The following ITGA1 variants were observed in gnomAD, a reference collection of about 807,000 sequenced individuals.
ITGA1 encodes integrin alpha-1.
A neutral mutation model predicts 145.9 loss-of-function variants in ITGA1; 85 were observed. The ratio of observed to expected loss-of-function variants is 0.58; its 90% CI spans 0.49 to 0.70. The LOEUF is 0.70. Among genes scored for constraint, ITGA1 ranks in the 30% least tolerant of loss-of-function variants. ITGA1 has a pLI of 0.00. For synonymous variants in ITGA1, 520 were observed against 495.3 expected (o/e 1.05, Z -0.66); for missense variants, 1,351 against 1,418.7 (o/e 0.95, Z 0.77).
At chr5:52,834,001 A>G (rs1330422139) in intron 1 of ITGA1, among the ~76,000 whole-genome samples, 2 of 152,224 alleles carry the variant, frequency 1.3e-5, no homozygotes, top group African/African-American at 4.8e-5. Context: ...TATTAAACAC[A>G]TCATCTACCA....
intron 1 of ITGA1, among the ~76,000 whole-genome samples, chr5:52,808,676 C>CTTTCTTT (rs1554041033): frequency 0.091 from 6,365 of 69,950 alleles, 244 homozygotes; most frequent in African/African-American, 0.1. Context: ...TTCTTTCTTT[C>CTTTCTTT]TTTTTTTTTT....
intron 8 of ITGA1, among the ~76,000 whole-genome samples, chr5:52,892,065 A>G (rs1221207825): frequency 6.6e-6 from 1 of 151,900 alleles, no homozygotes; most frequent in Non-Finnish European, 1.5e-5. Flanking sequence ...ACAGACGGGA[A>G]GAAAACATCT....
In ITGA1 at chr5:52,915,565, T is replaced by C. The variant is rs1221548700; in HGVS notation, c.1959T>C (p.Ile653=). The C allele has an allele frequency of 2.0e-5, 33 of 1,613,942 alleles. No homozygotes were observed. Among genetic ancestry groups the C allele is most frequent in the Non-Finnish European group, 2.7e-5 (32 of 1,179,990 alleles). The change falls in exon 15 of 29, where the codon ATT becomes ATC. Residue 653 remains isoleucine (I), a synonymous_variant. Coordinates refer to ENST00000282588, the MANE Select transcript of ITGA1 (RefSeq NM_181501.2). ...GTGACGGTCTGACAGATGTGACTAT[T>C]GGGGGCCTTGGTGGTGCTGCCCTCT... The part of the protein sequence containing the change: ...LNGDGLTDVT[I]GGLGGAALFW...
chr5:52,887,712 G>T (rs1750076380), intron 7 of ITGA1, 103 bp from the exon 8 acceptor site: 1 of 1,091,438 alleles, frequency 9.2e-7, no homozygotes. Flanking sequence ...TTGGAGGGAA[G>T]CACCAGGCTA....
At chr5:52,879,520 A>G (rs1006887105) in intron 6 of ITGA1, among the ~76,000 whole-genome samples, 4 of 152,202 alleles carry the variant, frequency 2.6e-5, no homozygotes, top group African/African-American at 9.7e-5. Flanking sequence ...CTTAATAATT[A>G]TTCAGTGTTT....
chr5:52,843,784 G>A (rs576108112), intron 1 of ITGA1, among the ~76,000 whole-genome samples: 42 of 152,206 alleles, frequency 2.8e-4, no homozygotes, highest in African/African-American at 9.6e-4. Context: ...GGCCTCATAA[G>A]ATCAATGTTG....
At chr5:52,941,812 T>A (rs920615378) in intron 26 of ITGA1, among the ~76,000 whole-genome samples, 1 of 152,254 alleles carries the variant, frequency 6.6e-6, no homozygotes, top group Non-Finnish European at 1.5e-5. Context: ...TTGTTTTTGT[T>A]GCAATTGCTT....
chr5:52,891,890 T>C (rs1750157506), intron 8 of ITGA1, among the ~76,000 whole-genome samples: 1 of 152,072 alleles, frequency 6.6e-6, no homozygotes, highest in South Asian at 2.1e-4. Flanking sequence ...ATCTTGAACA[T>C]TTTTATATTA....
intron 6 of ITGA1, among the ~76,000 whole-genome samples, chr5:52,874,109 G>A (rs1749827782): frequency 6.6e-6 from 1 of 152,098 alleles, no homozygotes; most frequent in Admixed American, 6.5e-5. Context: ...CTGGAGGCTG[G>A]GAGGGCCAAG....
rs771332018 is a variant in ITGA1 at position 52,937,524 on chromosome 5, G to C, written c.3078+10G>C. The C allele has an allele frequency of 2.0e-6, 3 of 1,476,270 alleles. No homozygotes were observed. The Admixed American group carries it at 5.0e-5, about 25-fold the overall frequency. The allele number at this position is 1,476,270 out of a possible 1,614,324, so 91.4% of individuals were successfully genotyped here. A position where few individuals can be genotyped will look rare whatever the true frequency, so the allele number is the denominator to read the frequency against. On this transcript the variant is annotated intron_variant, in intron 24 of 28. Coordinates refer to ENST00000282588, the MANE Select transcript of ITGA1 (RefSeq NM_181501.2). Reference sequence around the variant, plus strand: ...ATTGTCATCTTCTGAGGTAAGTCATGTGTGCCTTGGAATTATGTCATTACT... The same window carrying C: ...ATTGTCATCTTCTGAGGTAAGTCATCTGTGCCTTGGAATTATGTCATTACT...
In ITGA1 at chr5:52,915,563, A is replaced by G. The variant is rs752986612; in HGVS notation, c.1957A>G (p.Ile653Val). The part of the protein sequence containing the change: ...LNGDGLTDVT[I>V]GGLGGAALFW... The stretch of plus-strand genomic sequence containing the variant: ...TGGTGACGGTCTGACAGATGTGACT[A>G]TTGGGGGCCTTGGTGGTGCTGCCCT... Residue 653 changes from isoleucine (I) to valine (V), a missense_variant, in exon 15 of 29, where the codon ATT (isoleucine) becomes GTT (valine). Coordinates refer to ENST00000282588, the MANE Select transcript of ITGA1 (RefSeq NM_181501.2). The G allele has an allele frequency of 3.7e-6, 6 of 1,613,978 alleles. No individual in the cohort carries two copies. The highest frequency in any genetic ancestry group is 4.5e-5 in the East Asian group (2 of 44,852).
In ITGA1 at chr5:52,952,473, A is replaced by T; in HGVS notation, c.*22A>T. On this transcript the variant is annotated 3_prime_UTR_variant, in exon 29 of 29. Transcript: ENST00000282588. ...ATGAAATATTTTATGAAAGAAAATA[A>T]TAACAATTATTCAATAATCTATCCT... The T allele has an allele frequency of 9.0e-7, 1 of 1,107,024 alleles. No homozygotes were observed. The highest frequency in any genetic ancestry group is 1.3e-6 in the Non-Finnish European group (1 of 763,852). The allele number at this position is 1,107,024 out of a possible 1,614,324, so 68.6% of individuals were successfully genotyped here.
In ITGA1 at chr5:52,942,158, T is replaced by C. The variant is rs374217273; in HGVS notation, c.3285+2214T>C. On this transcript the variant is annotated intron_variant, in intron 26 of 28. Coordinates refer to ENST00000282588, the MANE Select transcript of ITGA1 (RefSeq NM_181501.2). Reference sequence around the variant, plus strand: ...ATGTGGCTCTTCTGTACCAGTATCATACTGTTTTGATTACCGTAGCCTTAT... The same window carrying C: ...ATGTGGCTCTTCTGTACCAGTATCACACTGTTTTGATTACCGTAGCCTTAT... Among the ~76,000 whole-genome samples the C allele has an allele frequency of 1.5e-3, 224 of 152,314 alleles. 5 individuals carry two copies. The South Asian group carries it at 0.026, about 17-fold the overall frequency.
At chr5:52,818,756 C>T (rs1469744111) in intron 1 of ITGA1, among the ~76,000 whole-genome samples, 1 of 152,180 alleles carries the variant, frequency 6.6e-6, no homozygotes, top group East Asian at 1.9e-4. Context: ...AGCACCAACA[C>T]ATACATTAGA....
intron 1 of ITGA1, among the ~76,000 whole-genome samples, chr5:52,807,817 G>A (rs1367925157): frequency 1.3e-5 from 2 of 152,072 alleles, no homozygotes; most frequent in African/African-American, 4.8e-5. Context: ...CCTAGTTTCA[G>A]CAAGCTTTTT....
intron 1 of ITGA1, chr5:52,801,285 T>G: frequency 8.7e-7 from 1 of 1,145,234 alleles, no homozygotes; most frequent in African/African-American, 1.6e-5. Flanking sequence ...CTAGCAAATT[T>G]ATGGAGTAAA....
At position 52,937,555 on chromosome 5, in the gene ITGA1, C is replaced by T. The variant is rs763177528; in HGVS notation, c.3078+41C>T. 3.3e-6 allele frequency: 4 copies of T among 1,195,568 alleles called. No individual in the cohort carries two copies. The South Asian group carries it at 5.0e-5, about 15-fold the overall frequency. The allele number at this position is 1,195,568 out of a possible 1,614,324, so 74.1% of individuals were successfully genotyped here. On this transcript the variant is annotated intron_variant, in intron 24 of 28. Transcript: ENST00000282588. ...CTTGGAATTATGTCATTACTGTTATCTTTTCCACTTTATGTTTAAGCCTTT... is the reference window on the plus strand; with the variant it reads ...CTTGGAATTATGTCATTACTGTTATTTTTTCCACTTTATGTTTAAGCCTTT...
At chr5:52,842,537 C>T (rs1464215082) in intron 1 of ITGA1, among the ~76,000 whole-genome samples, 1 of 152,068 alleles carries the variant, frequency 6.6e-6, no homozygotes, top group African/African-American at 2.4e-5. Context: ...TCAGTTAGCT[C>T]ATTTTTTGAT....
intron 6 of ITGA1, among the ~76,000 whole-genome samples, chr5:52,877,717 C>A (rs1169056696): frequency 6.6e-6 from 1 of 152,164 alleles, no homozygotes; most frequent in African/African-American, 2.4e-5. Context: ...GTAAGGCCAC[C>A]AGAGCTGTAA....
Sources: allele counts gnomAD v4.1 joint callset (sites outside exome capture counted in the v4.1 genomes callset), GRCh38; gene constraint gnomAD v4.1.1; transcripts MANE v1.5; gene names NCBI Gene and HGNC (gene_info 2026-07-23, HGNC 2026-07-21).